DSCAML1: variants seen among roughly 807,000 people sequenced by gnomAD.
DSCAML1 encodes cell adhesion molecule DSCAML1.
A neutral mutation model predicts 200.5 loss-of-function variants in DSCAML1; 38 were observed. That is an observed-to-expected ratio of 0.19 (90% confidence interval 0.15 to 0.25). The LOEUF (loss-of-function observed/expected upper bound fraction) is 0.25, where lower values mean the gene tolerates loss of function less well. DSCAML1 is among the 10% of genes least tolerant of loss of function. The pLI is 1.00. For missense variants in DSCAML1, 2,223 were observed against 2,858.8 expected, an observed-to-expected ratio of 0.78 and a Z score of 5.07; for synonymous variants, 1,215 against 1,165.0, an observed-to-expected ratio of 1.04 and a Z score of -0.87.
At chr11:117,450,442 A>G (rs2048263090) in intron 20 of DSCAML1, 107 bp downstream of exon 20, 1 of 1,450,576 alleles carries the variant, frequency 6.9e-7, no homozygotes, top group Non-Finnish European at 9.3e-7. Context: ...TCCAGGCAGA[A>G]GCTCAGATAC....
chr11:117,547,008 C>A (rs2050385079), intron 3 of DSCAML1, among the ~76,000 whole-genome samples: 1 of 151,874 alleles, frequency 6.6e-6, no homozygotes, highest in Non-Finnish European at 1.5e-5. Context: ...AATAGAATTG[C>A]ATTTAAATGG....
At chr11:117,550,003 C>G (rs1170970842) in intron 3 of DSCAML1, among the ~76,000 whole-genome samples, 1 of 152,208 alleles carries the variant, frequency 6.6e-6, no homozygotes, top group Non-Finnish European at 1.5e-5. Context: ...CCTTTCCACA[C>G]TGGGTCATCT....
At chr11:117,654,657 C>T (rs553460967) in intron 3 of DSCAML1, among the ~76,000 whole-genome samples, 16 of 152,254 alleles carry the variant, frequency 1.1e-4, no homozygotes, top group Admixed American at 7.2e-4. Flanking sequence ...TGGGAAGCTG[C>T]GGCTTACTTG....
At chr11:117,452,785 A>T (rs560546313) in intron 19 of DSCAML1, among the ~76,000 whole-genome samples, 81 of 152,182 alleles carry the variant, frequency 5.3e-4, no homozygotes, top group African/African-American at 1.8e-3. Context: ...CACTACTTTT[A>T]GTGGTTCCAT....
At chr11:117,527,850 G>A (rs1179627646) in intron 4 of DSCAML1, among the ~76,000 whole-genome samples, 1 of 152,180 alleles carries the variant, frequency 6.6e-6, no homozygotes, top group Non-Finnish European at 1.5e-5. Context: ...CCACCTTCCA[G>A]TGCTCGTCAG....
At chr11:117,646,601 G>T (rs2052526842) in intron 3 of DSCAML1, among the ~76,000 whole-genome samples, 1 of 152,330 alleles carries the variant, frequency 6.6e-6, no homozygotes, top group Middle Eastern at 3.4e-3. Context: ...GTGTGTGGGA[G>T]TCCCTCAGAC....
intron 3 of DSCAML1, among the ~76,000 whole-genome samples, chr11:117,746,341 C>G (rs1278401743): frequency 2.0e-5 from 3 of 151,398 alleles, no homozygotes; most frequent in Non-Finnish European, 4.4e-5. Flanking sequence ...CATTTGGAAG[C>G]AGACCAGGGT....
intron 19 of DSCAML1, among the ~76,000 whole-genome samples, chr11:117,456,778 G>A (rs1162765010): frequency 4.6e-5 from 7 of 151,564 alleles, no homozygotes; most frequent in South Asian, 2.1e-4. Flanking sequence ...AGGTTCAAGC[G>A]ATTCTCGTGT....
At chr11:117,434,275 T>C (rs2047861998) in intron 27 of DSCAML1, among the ~76,000 whole-genome samples, 1 of 152,138 alleles carries the variant, frequency 6.6e-6, no homozygotes, top group Non-Finnish European at 1.5e-5. Context: ...AACCATTAAT[T>C]CATCATCCAC....
chr11:117,650,699 G>GCA (rs1301847736), intron 3 of DSCAML1, among the ~76,000 whole-genome samples: 9 of 142,704 alleles, frequency 6.3e-5, no homozygotes, highest in African/African-American at 2.3e-4. Flanking sequence ...GTGTGTGTGT[G>GCA]TGCGTGTGTG....
intron 3 of DSCAML1, among the ~76,000 whole-genome samples, chr11:117,689,949 T>A (rs1213054171): frequency 1.3e-5 from 2 of 151,760 alleles, no homozygotes; most frequent in African/African-American, 4.8e-5. Flanking sequence ...AAAGGGAAAG[T>A]CAAGGAGGTG....
intron 3 of DSCAML1, among the ~76,000 whole-genome samples, chr11:117,675,846 G>A (rs528075686): frequency 2.6e-5 from 4 of 152,194 alleles, no homozygotes; most frequent in South Asian, 2.1e-4. Context: ...CTTCAGCCTC[G>A]GTCTTATCAA....
chr11:117,806,988 A>G (rs766805399), intron 1 of DSCAML1, among the ~76,000 whole-genome samples: 11 of 152,146 alleles, frequency 7.2e-5, no homozygotes, highest in Non-Finnish European at 1.2e-4. Context: ...TTTTGTGTGC[A>G]TCTCTCAAGG....
chr11:117,765,502 C>T (rs1262811219), intron 3 of DSCAML1, among the ~76,000 whole-genome samples: 2 of 152,156 alleles, frequency 1.3e-5, no homozygotes, highest in Non-Finnish European at 2.9e-5. Context: ...GTCTGCCCTC[C>T]TAAATGCTCA....
At chr11:117,801,604 C>T (rs1264204016), upstream of DSCAML1, 1 of 152,200 alleles carries the variant, frequency 6.6e-6, no homozygotes. Flanking sequence ...TATTATGTGT[C>T]ATTATACTAC....
chr11:117,632,159 A>G (rs2052187472), intron 3 of DSCAML1, among the ~76,000 whole-genome samples: 2 of 152,232 alleles, frequency 1.3e-5, no homozygotes, highest in Admixed American at 1.3e-4. Flanking sequence ...ACGGACTATT[A>G]GAGTTAGGAG....
intron 19 of DSCAML1, among the ~76,000 whole-genome samples, chr11:117,452,296 T>C (rs749726043): frequency 2.0e-5 from 3 of 152,242 alleles, no homozygotes; most frequent in South Asian, 4.1e-4. Flanking sequence ...GGCGATATTA[T>C]TGAGTACATT....
intron 3 of DSCAML1, among the ~76,000 whole-genome samples, chr11:117,617,428 A>G (rs1725754871): frequency 6.6e-6 from 1 of 152,160 alleles, no homozygotes; most frequent in Non-Finnish European, 1.5e-5. Context: ...TTTGCATGAT[A>G]TTTCACGCTG....
chr11:117,687,606 T>TAACCCTCTAA (rs1591400714), intron 3 of DSCAML1, among the ~76,000 whole-genome samples: 1 of 152,002 alleles, frequency 6.6e-6, no homozygotes, highest in East Asian at 1.9e-4. Context: ...CAATGTTTTG[T>TAACCCTCTAA]TTCAATAATT....
Sources: gnomAD v4.1 joint callset for allele counts (sites outside exome capture counted in the v4.1 genomes callset) on GRCh38, gnomAD v4.1.1 for gene constraint, MANE v1.5 for transcripts, NCBI Gene and HGNC (gene_info 2026-07-23, HGNC 2026-07-21) for gene names.